The following RANBP17 variants were observed in gnomAD, a reference collection of about 807,000 sequenced individuals.
RANBP17 encodes the protein ran-binding protein 17.
In RANBP17, 158 loss-of-function variants were observed where a neutral mutation model predicts 141.2. The ratio of observed to expected loss-of-function variants is 1.12; its 90% CI spans 0.98 to 1.28. RANBP17 has a LOEUF of 1.28. Among genes scored for constraint, RANBP17 ranks in the 50% most tolerant of loss-of-function variants. The pLI is 0.00. For synonymous variants in RANBP17, 430 were observed against 450.0 expected, an observed-to-expected ratio of 0.96 and a Z score of 0.56; for missense variants, 1,438 against 1,290.7, an observed-to-expected ratio of 1.11 and a Z score of -1.75.
At chr5:171,090,460 C>T (rs911457295) in intron 14 of RANBP17, among the ~76,000 whole-genome samples, 4 of 152,200 alleles carry the variant, frequency 2.6e-5, no homozygotes, top group African/African-American at 9.6e-5. Context: ...GGAAACAGAG[C>T]ATAAAAGTTT....
intron 1 of RANBP17, chr5:170,866,954 A>G (rs1767316758): frequency 2.6e-5 from 4 of 152,186 alleles, no homozygotes; most frequent in Admixed American, 2.6e-4. Context: ...AAGTGTCTCC[A>G]CTAAGTTCAT....
chr5:170,947,154 A>G (rs1366461937), intron 12 of RANBP17, among the ~76,000 whole-genome samples: 1 of 152,222 alleles, frequency 6.6e-6, no homozygotes, highest in African/African-American at 2.4e-5. Flanking sequence ...TTTAAGCAAT[A>G]GAAATATAAT....
At chr5:171,049,225 T>A (rs1272630961) in intron 14 of RANBP17, among the ~76,000 whole-genome samples, 1 of 152,228 alleles carries the variant, frequency 6.6e-6, no homozygotes, top group Non-Finnish European at 1.5e-5. Flanking sequence ...ATTTCTCTAA[T>A]GATTAGTGAT....
intron 14 of RANBP17, among the ~76,000 whole-genome samples, chr5:171,109,736 A>G (rs990748898): frequency 2.0e-5 from 3 of 152,214 alleles, no homozygotes; most frequent in Non-Finnish European, 2.9e-5. Context: ...TACGGTTGCA[A>G]CCATCCATTT....
At chr5:171,202,340 C>G (rs1044652082) in intron 19 of RANBP17, among the ~76,000 whole-genome samples, 9 of 152,128 alleles carry the variant, frequency 5.9e-5, no homozygotes, top group African/African-American at 2.2e-4. Context: ...GTCCAGTACT[C>G]CCCTGACTCG....
chr5:170,901,254 C>T (rs943107113), intron 5 of RANBP17, among the ~76,000 whole-genome samples: 2 of 152,162 alleles, frequency 1.3e-5, no homozygotes, highest in African/African-American at 4.8e-5. Context: ...ATCCCTTTAA[C>T]ATTATGTAAT....
chr5:170,973,399 A>AT lies in RANBP17; in HGVS notation c.1710+5028dup, dbSNP rs562984681. Among the ~76,000 whole-genome samples, 722 of 152,280 alleles carry AT rather than the reference A, an allele frequency of 4.7e-3. 5 individuals carry two copies. Among genetic ancestry groups the AT allele is most frequent in the African/African-American group, 0.017 (700 of 41,576 alleles). ...TACTATGATTTAGGGATAGGGAAGAATTTTTTAAGACATAAAAAAGCTAAG... is the reference window on the plus strand; with the variant it reads ...TACTATGATTTAGGGATAGGGAAGAATTTTTTTAAGACATAAAAAAGCTAAG... On this transcript the variant is annotated intron_variant, in intron 14 of 27. Transcript: ENST00000523189.
intron 1 of RANBP17, among the ~76,000 whole-genome samples, chr5:170,870,327 C>T (rs1159954325): frequency 1.3e-5 from 2 of 152,106 alleles, no homozygotes; most frequent in East Asian, 1.9e-4. Context: ...AGGTATTAAG[C>T]TCTGCAGGCA....
At chr5:171,169,666 A>AT (rs1427792553) in intron 14 of RANBP17, among the ~76,000 whole-genome samples, 2 of 144,786 alleles carry the variant, frequency 1.4e-5, no homozygotes, top group Non-Finnish European at 3.0e-5. Context: ...ACTTCCTTTG[A>AT]TTTTTTTAAA....
At chr5:171,045,067 A>T (rs959556717) in intron 14 of RANBP17, among the ~76,000 whole-genome samples, 3 of 152,056 alleles carry the variant, frequency 2.0e-5, no homozygotes, top group Non-Finnish European at 4.4e-5. Context: ...CTGGTACTTC[A>T]GTTTTATTAT....
chr5:171,286,989 CT>C (rs1413020529), intron 25 of RANBP17, among the ~76,000 whole-genome samples: 1 of 152,174 alleles, frequency 6.6e-6, no homozygotes. Flanking sequence ...TTCCCCTTCT[CT>C]TTTACTGACC....
At chr5:170,999,202 A>T (rs559826361) in intron 14 of RANBP17, among the ~76,000 whole-genome samples, 1 of 152,242 alleles carries the variant, frequency 6.6e-6, no homozygotes, top group Middle Eastern at 3.4e-3. Context: ...GTTTGCAATA[A>T]TTAAATTTTA....
intron 24 of RANBP17, among the ~76,000 whole-genome samples, chr5:171,261,258 G>A (rs181274120): frequency 6.9e-4 from 105 of 152,204 alleles, no homozygotes; most frequent in African/African-American, 2.4e-3. Context: ...ACCTTACAAA[G>A]CAGGTAATAT....
At chr5:171,256,373 A>G (rs1160791082) in intron 24 of RANBP17, among the ~76,000 whole-genome samples, 1 of 152,250 alleles carries the variant, frequency 6.6e-6, no homozygotes, top group South Asian at 2.1e-4. Context: ...AAGGCGCTAT[A>G]TAGATACAAA....
rs753287422 is a variant in RANBP17 at position 171,221,760 on chromosome 5, C to G, written c.2342C>G (p.Ser781Cys). 2 of 1,598,598 alleles carry G rather than the reference C, an allele frequency of 1.3e-6. No homozygotes were observed. Among genetic ancestry groups the G allele is most frequent in the Admixed American group, 3.3e-5 (2 of 59,768 alleles). ...CAATTTTTTTCTATATTTCTTAGAT[C>G]CCAGCGTTTGAATTTTGATGTATCA... ...KLMAELMQNRSQRLNFDVSSP... is the reference protein window; with the variant it reads ...KLMAELMQNRCQRLNFDVSSP... The change falls in exon 22 of 28, where the codon TCC becomes TGC. Residue 781 changes from serine to cysteine, a missense_variant and splice_region_variant. Physicochemically the swap from Ser to Cys is moderately radical, Grantham distance 112. Transcript: ENST00000523189.
chr5:171,130,904 C>T (rs994552864), intron 14 of RANBP17, among the ~76,000 whole-genome samples: 1 of 152,064 alleles, frequency 6.6e-6, no homozygotes, highest in African/African-American at 2.4e-5. Context: ...AGTGTTACAG[C>T]ATTTTATTTA....
At chr5:171,252,744 A>T in intron 24 of RANBP17, 1 of 1,399,274 alleles carries the variant, frequency 7.1e-7, no homozygotes, top group Non-Finnish European at 1.0e-6. Flanking sequence ...ACTGTGGAAG[A>T]CTTATTTGTA....
intron 14 of RANBP17, among the ~76,000 whole-genome samples, chr5:171,081,510 A>C (rs929891805): frequency 6.6e-6 from 1 of 152,184 alleles, no homozygotes; most frequent in African/African-American, 2.4e-5. Flanking sequence ...TTTATAACAT[A>C]ATAATCTTGA....
chr5:170,936,595 G>C (rs1025234864), intron 12 of RANBP17, among the ~76,000 whole-genome samples: 1 of 152,016 alleles, frequency 6.6e-6, no homozygotes. Context: ...GTATCATTTT[G>C]TGTGATTTCA....
Sources: gnomAD v4.1 joint callset for allele counts (sites outside exome capture counted in the v4.1 genomes callset) on GRCh38, gnomAD v4.1.1 for gene constraint, MANE v1.5 for transcripts, NCBI Gene and HGNC (gene_info 2026-07-23, HGNC 2026-07-21) for gene names.